PCDH11X: variants seen among roughly 807,000 people sequenced by gnomAD.
PCDH11X encodes protocadherin 11 X-linked.
A neutral mutation model predicts 53.3 loss-of-function variants in PCDH11X; 18 were observed. The observed-to-expected ratio is 0.34, with a 90% CI of 0.23 to 0.50. The LOEUF (loss-of-function observed/expected upper bound fraction) is 0.50, where lower values mean the gene tolerates loss of function less well. Among genes scored for constraint, PCDH11X ranks in the 20% least tolerant of loss-of-function variants. The pLI is 0.98. For synonymous variants in PCDH11X, 279 were observed against 393.3 expected, an observed-to-expected ratio of 0.71 and a Z score of 3.44; for missense variants, 570 against 1,032.4, an observed-to-expected ratio of 0.55 and a Z score of 6.14.
At position 92,039,916 on chromosome X, in the gene PCDH11X, T is replaced by G. The variant is rs767304851; in HGVS notation, c.3033+160643T>G. 2.9e-3 allele frequency among the ~76,000 whole-genome samples: 294 copies of G among 102,486 alleles called. 1 individual carries two copies. The highest frequency in any genetic ancestry group is 0.01 in the African/African-American group (277 of 26,470). The allele number at this position is 102,486 out of a possible 115,157, so 89.0% of individuals were successfully genotyped here. A position where few individuals can be genotyped will look rare whatever the true frequency, so the allele number is the denominator to read the frequency against. On this transcript the variant is annotated intron_variant, in intron 6 of 10. Transcript: ENST00000682573. The stretch of plus-strand genomic sequence containing the variant: ...GATGGTTACTCAGAGTCTATTGAAT[T>G]ATGCCACAATTGTGTCCTTCCCTTC...
intron 8 of PCDH11X, among the ~76,000 whole-genome samples, chrX:92,329,207 C>A (rs1372673715): frequency 9.0e-6 from 1 of 111,062 alleles, no homozygotes; most frequent in Non-Finnish European, 1.9e-5. Flanking sequence ...TCAATAGATG[C>A]GGAAGAATAA....
At chrX:92,454,296 C>CAT (rs2072866359) in intron 9 of PCDH11X, among the ~76,000 whole-genome samples, 1 of 107,409 alleles carries the variant, frequency 9.3e-6, no homozygotes. Context: ...TATCTAAATA[C>CAT]ATATATATAC....
At chrX:92,424,850 G>A (rs1285262875) in intron 9 of PCDH11X, among the ~76,000 whole-genome samples, 1 of 96,911 alleles carries the variant, frequency 1.0e-5, no homozygotes, top group African/African-American at 3.3e-5. Flanking sequence ...TATAACAAGT[G>A]GTATATATGG....
chrX:92,396,131 C>T (rs1180960612), intron 9 of PCDH11X, among the ~76,000 whole-genome samples: 2 of 105,819 alleles, frequency 1.9e-5, no homozygotes, highest in Non-Finnish European at 3.9e-5. Flanking sequence ...CTATGCTTAT[C>T]TAATGTAGTT....
At chrX:92,007,016 C>T (rs1227620832) in intron 6 of PCDH11X, among the ~76,000 whole-genome samples, 1 of 111,071 alleles carries the variant, frequency 9.0e-6, no homozygotes, top group Non-Finnish European at 1.9e-5. Flanking sequence ...ACAATAAGCA[C>T]CCCTGTGGTC....
At position 92,278,969 on chromosome X, in the gene PCDH11X, G is replaced by A. The variant is rs999149986; in HGVS notation, c.3144+15826G>A. Among the ~76,000 whole-genome samples the A allele has an allele frequency of 6.4e-5, 7 of 109,682 alleles. No homozygotes were observed. In the South Asian group the frequency reaches 1.6e-3, roughly 25 times the overall value. ...TGGGATTACAGGCGTGTGCCACCAC[G>A]CCTGGCTAATTTTGTATTTTTAGTA... On this transcript the variant is annotated intron_variant, in intron 8 of 10. Coordinates refer to ENST00000682573, the MANE Select transcript of PCDH11X (RefSeq NM_032968.5).
At chrX:91,796,749 A>G (rs1935748793) in intron 1 of PCDH11X, among the ~76,000 whole-genome samples, 1 of 111,482 alleles carries the variant, frequency 9.0e-6, no homozygotes, top group African/African-American at 3.3e-5. Context: ...AGTTGGTACA[A>G]ATTAATCCTT....
At chrX:92,321,062 G>A (rs1179786083) in intron 8 of PCDH11X, among the ~76,000 whole-genome samples, 1 of 101,283 alleles carries the variant, frequency 9.9e-6, no homozygotes, top group African/African-American at 3.4e-5. Context: ...GAATCAGTCT[G>A]TGGTTAGTGG....
At chrX:92,457,871 C>T (rs2072939524) in intron 9 of PCDH11X, among the ~76,000 whole-genome samples, 1 of 105,588 alleles carries the variant, frequency 9.5e-6, no homozygotes, top group South Asian at 4.2e-4. Flanking sequence ...AAAAAACATG[C>T]TTTCATATAC....
intron 6 of PCDH11X, among the ~76,000 whole-genome samples, chrX:92,067,699 C>G (rs1380276572): frequency 9.0e-6 from 1 of 111,650 alleles, no homozygotes; most frequent in Non-Finnish European, 1.9e-5. Flanking sequence ...GCAACAGTCC[C>G]TCTTCCTCTA....
At chrX:91,932,619 A>T (rs1490412223) in intron 6 of PCDH11X, among the ~76,000 whole-genome samples, 1 of 100,299 alleles carries the variant, frequency 1.0e-5, no homozygotes, top group Non-Finnish European at 2.0e-5. Flanking sequence ...AAGAGAAGAG[A>T]GGGAAGAGAG....
At chrX:92,555,503 C>T (rs562384934) in intron 10 of PCDH11X, among the ~76,000 whole-genome samples, 16 of 111,816 alleles carry the variant, frequency 1.4e-4, no homozygotes, top group Middle Eastern at 4.6e-3. Flanking sequence ...AAAGGAAATA[C>T]GAATCATACA....
intron 6 of PCDH11X, among the ~76,000 whole-genome samples, chrX:91,946,558 C>CATATATATATAT (rs766671132): frequency 6.3e-5 from 2 of 31,625 alleles, no homozygotes; most frequent in Non-Finnish European, 5.4e-5. Context: ...CTGTTTCCCT[C>CATATATATATAT]ATATATATAT....
At chrX:92,469,888 C>T (rs960003930) in intron 10 of PCDH11X, among the ~76,000 whole-genome samples, 22 of 108,906 alleles carry the variant, frequency 2.0e-4, no homozygotes, top group Non-Finnish European at 3.4e-4. Context: ...GGCTATTCTG[C>T]GTATTTTGTG....
chrX:92,118,302 A>G (rs973798879), intron 6 of PCDH11X, among the ~76,000 whole-genome samples: 1 of 108,802 alleles, frequency 9.2e-6, no homozygotes, highest in African/African-American at 3.4e-5. Context: ...AAGGCAGCAA[A>G]GTAAGACATC....
At chrX:91,905,473 T>C (rs1180132777) in intron 6 of PCDH11X, among the ~76,000 whole-genome samples, 1 of 111,456 alleles carries the variant, frequency 9.0e-6, no homozygotes, top group Non-Finnish European at 1.9e-5. Context: ...GATATTTTTA[T>C]ACTATCTCAT....
At chrX:92,512,395 A>G (rs1322191149) in intron 10 of PCDH11X, among the ~76,000 whole-genome samples, 2 of 111,865 alleles carry the variant, frequency 1.8e-5, no homozygotes, top group African/African-American at 3.2e-5. Flanking sequence ...ATTTGGGGAC[A>G]TAATATAATG....
chrX:92,187,745 T>C (rs1446549437), intron 6 of PCDH11X, among the ~76,000 whole-genome samples: 1 of 112,138 alleles, frequency 8.9e-6, no homozygotes, highest in African/African-American at 3.2e-5. Flanking sequence ...CCAAGTCTTA[T>C]TAAATACCAT....
chrX:92,527,701 A>G (rs1215545124), intron 10 of PCDH11X, among the ~76,000 whole-genome samples: 1 of 111,677 alleles, frequency 9.0e-6, no homozygotes, highest in African/African-American at 3.3e-5. Flanking sequence ...AGCAACGCAT[A>G]AAATATATTC....
Sources: gnomAD v4.1 joint callset for allele counts (sites outside exome capture counted in the v4.1 genomes callset) on GRCh38, gnomAD v4.1.1 for gene constraint, MANE v1.5 for transcripts, NCBI Gene and HGNC (gene_info 2026-07-23, HGNC 2026-07-21) for gene names.